The following PTPRT variants were observed in gnomAD, a reference collection of about 807,000 sequenced individuals.
PTPRT encodes the protein protein tyrosine phosphatase receptor type T.
PTPRT carries 56 observed loss-of-function variants against 176.8 expected under a neutral mutation model. That is an observed-to-expected ratio of 0.32 (90% CI 0.26 to 0.40). PTPRT has a LOEUF of 0.40. PTPRT is among the 10% of genes least tolerant of loss of function. The pLI is 1.00. For synonymous variants in PTPRT, 783 were observed against 739.0 expected (o/e 1.06, Z -0.96); for missense variants, 1,540 against 1,908.2 (o/e 0.81, Z 3.60).
chr20:42,111,962 A>T (rs754239463), intron 22 of PTPRT, among the ~76,000 whole-genome samples: 2 of 152,138 alleles, frequency 1.3e-5, no homozygotes, highest in African/African-American at 2.4e-5. Context: ...ACCCAGGGCA[A>T]TGCTAGAGGC....
chr20:42,626,145 G>T (rs1250441182), intron 7 of PTPRT, among the ~76,000 whole-genome samples: 1 of 151,826 alleles, frequency 6.6e-6, no homozygotes, highest in Non-Finnish European at 1.5e-5. Context: ...TCACATAAAA[G>T]TCAAATTACT....
Position 43,189,342 on chromosome 20 carries a change from C to G in PTPRT, c.88+304G>C. Among the ~76,000 whole-genome samples the G allele has an allele frequency of 6.6e-6, 1 of 152,186 alleles. No homozygotes were observed. The highest frequency in any genetic ancestry group is 1.9e-4 in the East Asian group (1 of 5,166). ...GTGGCAGATTCCGACAAGTGGGAGGCAGCAAGTGGAAATATTCGCAACAAC... is the reference window on the plus strand; with the variant it reads ...GTGGCAGATTCCGACAAGTGGGAGGGAGCAAGTGGAAATATTCGCAACAAC... On this transcript the variant is annotated intron_variant, in intron 1 of 30. Coordinates refer to ENST00000373187, the MANE Select transcript of PTPRT (RefSeq NM_007050.6). This position sits in a 1 kb window ranked among gnomAD's most constrained non-coding sequence, Gnocchi z 5.0.
intron 1 of PTPRT, among the ~76,000 whole-genome samples, chr20:42,925,459 G>A (rs1324859462): frequency 1.3e-5 from 2 of 152,308 alleles, no homozygotes; most frequent in East Asian, 3.9e-4. Flanking sequence ...AGGGCAAGGA[G>A]TGATAGAAGC....
In PTPRT at chr20:42,792,054, G is replaced by A. The variant is rs934212024; in HGVS notation, c.215-588C>T. On this transcript the variant is annotated intron_variant, in intron 2 of 30. Coordinates refer to ENST00000373187, the MANE Select transcript of PTPRT (RefSeq NM_007050.6). ...CTTGCCTTGCTGGGCTTGCCGTCTT[G>A]CACTACTGCTACCTTTCATGAAAAG... is the stretch of plus-strand genomic sequence containing the variant. Among the ~76,000 whole-genome samples the A allele has an allele frequency of 2.1e-4, 32 of 152,302 alleles. 1 individual carries two copies. Among genetic ancestry groups the A allele is most frequent in the African/African-American group, 6.7e-4 (28 of 41,558 alleles).
At chr20:42,588,988 A>G (rs1385833583) in intron 7 of PTPRT, among the ~76,000 whole-genome samples, 1 of 152,230 alleles carries the variant, frequency 6.6e-6, no homozygotes, top group African/African-American at 2.4e-5. Context: ...ATTTGAGTCC[A>G]CAACACCTGG....
intron 29 of PTPRT, 106 bp downstream of exon 29, chr20:42,084,576 G>T (rs1383338425): frequency 9.8e-6 from 10 of 1,022,828 alleles, no homozygotes; most frequent in African/African-American, 5.0e-5. Flanking sequence ...TTGAGTTGTG[G>T]TATAGCCAGG....
rs150013340 is a variant in PTPRT at position 42,458,643 on chromosome 20, T to C, written c.1451-10314A>G. ...GATTTTTTTGTAGAGACAATTAAGA[T>C]TGTTGCTATTTCCTGTGATGTCCTT... On this transcript the variant is annotated intron_variant, in intron 8 of 30. Coordinates refer to ENST00000373187, the MANE Select transcript of PTPRT (RefSeq NM_007050.6). Among the ~76,000 whole-genome samples the C allele has an allele frequency of 4.1e-4, 63 of 152,254 alleles. No homozygotes were observed. The South Asian group carries it at 7.0e-3, about 17-fold the overall frequency.
chr20:42,459,515 CA>C (rs2070981497), intron 8 of PTPRT, among the ~76,000 whole-genome samples: 1 of 152,146 alleles, frequency 6.6e-6, no homozygotes, highest in Admixed American at 6.5e-5. Flanking sequence ...GTGCAGAGCA[CA>C]GTGGTTTGGA....
At chr20:42,107,979 A>G (rs1156776943) in intron 23 of PTPRT, among the ~76,000 whole-genome samples, 1 of 151,734 alleles carries the variant, frequency 6.6e-6, no homozygotes, top group East Asian at 1.9e-4. Context: ...TTCAGAACCT[A>G]CTCCCCAAAA....
At chr20:42,509,438 A>T (rs1340074266) in intron 7 of PTPRT, among the ~76,000 whole-genome samples, 7 of 84,836 alleles carry the variant, frequency 8.3e-5, no homozygotes, top group African/African-American at 3.5e-4. Context: ...TATAAATTAT[A>T]TAATTTATAT....
intron 11 of PTPRT, among the ~76,000 whole-genome samples, chr20:42,347,256 G>A (rs764729666): frequency 6.6e-6 from 1 of 152,206 alleles, no homozygotes; most frequent in African/African-American, 2.4e-5. Flanking sequence ...ACTATTAACT[G>A]TAAAATTTAT....
chr20:42,671,689 T>C (rs1321053989), intron 7 of PTPRT, among the ~76,000 whole-genome samples: 1 of 152,202 alleles, frequency 6.6e-6, no homozygotes, highest in Non-Finnish European at 1.5e-5. Flanking sequence ...TGGTTCACTA[T>C]AGGCAGCTAA....
intron 7 of PTPRT, among the ~76,000 whole-genome samples, chr20:42,537,339 C>A (rs754216462): frequency 1.3e-5 from 2 of 152,074 alleles, no homozygotes; most frequent in Non-Finnish European, 2.9e-5. Flanking sequence ...ATGATTTGTA[C>A]ACTTATAAAG....
intron 27 of PTPRT, among the ~76,000 whole-genome samples, chr20:42,086,801 T>C (rs1388419152): frequency 7.1e-6 from 1 of 139,982 alleles, no homozygotes; most frequent in African/African-American, 2.7e-5. Flanking sequence ...GGTCCAAATC[T>C]GGTCTCAGGT....
At chr20:42,774,309 G>T (rs1324949047) in intron 4 of PTPRT, among the ~76,000 whole-genome samples, 1 of 152,132 alleles carries the variant, frequency 6.6e-6, no homozygotes, top group African/African-American at 2.4e-5. Context: ...CACAATAACT[G>T]GTATCCACCA....
intron 1 of PTPRT, among the ~76,000 whole-genome samples, chr20:42,987,484 C>T (rs922586444): frequency 2.6e-5 from 4 of 152,202 alleles, no homozygotes; most frequent in Non-Finnish European, 4.4e-5. Context: ...CCTCATGGGG[C>T]CTGCCAGACC....
intron 16 of PTPRT, among the ~76,000 whole-genome samples, chr20:42,190,721 G>A (rs539319632): frequency 2.7e-4 from 41 of 152,276 alleles, no homozygotes; most frequent in African/African-American, 9.6e-4. Flanking sequence ...CTGCTGTTCT[G>A]GAGATCATGC....
intron 1 of PTPRT, among the ~76,000 whole-genome samples, chr20:42,921,959 G>A (rs542600172): frequency 2.3e-4 from 35 of 152,200 alleles, no homozygotes; most frequent in Non-Finnish European, 4.3e-4. Context: ...CTTTTGAGAT[G>A]GAGTCTCGCT....
chr20:42,945,891 G>A (rs978936285), intron 1 of PTPRT, among the ~76,000 whole-genome samples: 1 of 151,994 alleles, frequency 6.6e-6, no homozygotes, highest in Non-Finnish European at 1.5e-5. Flanking sequence ...CCCTTCCCCA[G>A]CCCTTAGTAA....
Sources: gnomAD v4.1 joint callset for allele counts (sites outside exome capture counted in the v4.1 genomes callset) on GRCh38, gnomAD v4.1.1 for gene constraint, Gnocchi (gnomAD v3.1) non-coding constraint, MANE v1.5 for transcripts, NCBI Gene and HGNC (gene_info 2026-07-23, HGNC 2026-07-21) for gene names.